CAMSAP2: variants seen among roughly 807,000 people sequenced by gnomAD.
The protein encoded by CAMSAP2 is calmodulin regulated spectrin associated protein family member 2, also known as calmodulin-regulated spectrin-associated protein 2.
CAMSAP2 carries 26 observed loss-of-function variants against 146.1 expected under a neutral mutation model. That is an observed-to-expected ratio of 0.18 (90% confidence interval 0.13 to 0.25). The LOEUF (loss-of-function observed/expected upper bound fraction) is 0.25, where lower values mean the gene tolerates loss of function less well. Ranked by LOEUF, CAMSAP2 falls within the 10% of genes least tolerant of loss-of-function variation. The pLI is 1.00. For missense variants in CAMSAP2, 1,381 were observed against 1,759.3 expected, an observed-to-expected ratio of 0.78 and a Z score of 3.85; for synonymous variants, 499 against 596.6, an observed-to-expected ratio of 0.84 and a Z score of 2.38.
At chr1:200,746,535 G>A (rs1345894121) in intron 1 of CAMSAP2, among the ~76,000 whole-genome samples, 2 of 152,092 alleles carry the variant, frequency 1.3e-5, no homozygotes, top group African/African-American at 4.8e-5. Flanking sequence ...GGAAATTCAT[G>A]TATGGAGCTT....
chr1:200,832,217 G>GCAC lies in CAMSAP2; in HGVS notation c.665_666insCCA (p.Glu221_Gln222insHis). Reference sequence around the variant, plus strand: ...TATCGTAGGCTCGTTATCGGAAAGAGCAAACATTGCTTAAGCAACTGCCTT... The same window carrying GCAC: ...TATCGTAGGCTCGTTATCGGAAAGAGCACCAAACATTGCTTAAGCAACTGCCTT... On this transcript the variant is annotated inframe_insertion, in exon 5 of 17. Coordinates refer to ENST00000358823, the MANE Select transcript of CAMSAP2 (RefSeq NM_203459.4). This position sits in a 1 kb window ranked among gnomAD's most constrained non-coding sequence, Gnocchi z 4.2. 1.2e-6 allele frequency: 2 copies of GCAC among 1,610,608 alleles called. No individual in the cohort carries two copies. The highest frequency in any genetic ancestry group is 1.7e-6 in the Non-Finnish European group (2 of 1,178,472).
At chr1:200,807,903 G>A (rs1571777461) in intron 3 of CAMSAP2, among the ~76,000 whole-genome samples, 2 of 152,042 alleles carry the variant, frequency 1.3e-5, no homozygotes, top group African/African-American at 4.8e-5. Flanking sequence ...ACCACACCCG[G>A]CTAATTTTTG....
In CAMSAP2 at chr1:200,856,050, G is replaced by A; in HGVS notation, c.3937G>A (p.Gly1313Ser). ...AGGCTTCTTATCTCCAAGTCGTTGT[G>A]GCAGTCGAAATGGAGAAAAAGACTG... ...VEGFLSPSRCGSRNGEKDWEN... is the reference protein window; with the variant it reads ...VEGFLSPSRCSSRNGEKDWEN... The change falls in exon 15 of 17, where the codon GGC becomes AGC. Residue 1313 changes from glycine (G) to serine (S), a missense_variant. Gly to Ser is a moderately conservative substitution (Grantham distance 56). This residue lies in a region of CAMSAP2 where 560 missense variants were observed against 715.9 expected (regional missense o/e 0.78). Transcript: ENST00000358823. 1.2e-6 allele frequency: 2 copies of A among 1,613,872 alleles called. No individual in the cohort carries two copies. Among genetic ancestry groups the A allele is most frequent in the South Asian group, 2.2e-5 (2 of 91,064 alleles).
chr1:200,847,568 G>C, intron 9 of CAMSAP2, 72 bp from the exon 10 acceptor site: 1 of 1,157,302 alleles, frequency 8.6e-7, no homozygotes, highest in Non-Finnish European at 1.3e-6. Context: ...TCAAATACAT[G>C]AAATCTCCTA....
At position 200,814,491 on chromosome 1, in the gene CAMSAP2, T is replaced by G. The variant is rs539291408; in HGVS notation, c.562-1070T>G. 7.9e-5 allele frequency among the ~76,000 whole-genome samples: 12 copies of G among 151,362 alleles called. No homozygotes were observed. The East Asian group carries it at 1.8e-3, about 22-fold the overall frequency. ...CGGGCATGATGGCGGGCGCCTGTAA[T>G]CCCAGTTACTCAGGAGGTTGAGGCA... On this transcript the variant is annotated intron_variant, in intron 3 of 16. Coordinates refer to ENST00000358823, the MANE Select transcript of CAMSAP2 (RefSeq NM_203459.4).
intron 1 of CAMSAP2, among the ~76,000 whole-genome samples, chr1:200,749,168 C>G (rs1218341174): frequency 6.6e-6 from 1 of 152,216 alleles, no homozygotes; most frequent in Non-Finnish European, 1.5e-5. Flanking sequence ...TGTCCTGTCT[C>G]TACTGCATTA....
At chr1:200,796,827 C>A (rs1265267603) in intron 2 of CAMSAP2, among the ~76,000 whole-genome samples, 2 of 151,960 alleles carry the variant, frequency 1.3e-5, no homozygotes, top group African/African-American at 2.4e-5. Context: ...CCCTCTCCCC[C>A]CACCCCACAA....
intron 1 of CAMSAP2, among the ~76,000 whole-genome samples, chr1:200,741,566 A>G (rs1664174964): frequency 6.6e-6 from 1 of 152,244 alleles, no homozygotes; most frequent in African/African-American, 2.4e-5. Context: ...TATAAAGTGG[A>G]AGGCAAAGGG....
rs187393171 is a variant in CAMSAP2 at position 200,770,210 on chromosome 1, G to A, written c.399+9112G>A. On this transcript the variant is annotated intron_variant, in intron 2 of 16. Transcript: ENST00000358823. Reference sequence around the variant, plus strand: ...ATTGAGTACACTTTACAAATATTATGAATGTAATGTATGATATAGGTGGTG... The same window carrying A: ...ATTGAGTACACTTTACAAATATTATAAATGTAATGTATGATATAGGTGGTG... 1.2e-4 allele frequency among the ~76,000 whole-genome samples: 18 copies of A among 152,238 alleles called. No homozygotes were observed. In the East Asian group the frequency reaches 3.5e-3, roughly 29 times the overall value.
intron 2 of CAMSAP2, among the ~76,000 whole-genome samples, chr1:200,772,476 G>A (rs901947607): frequency 3.9e-5 from 6 of 152,126 alleles, no homozygotes; most frequent in African/African-American, 1.2e-4. Context: ...AAGTGTGGTG[G>A]CATACGCCTG....
chr1:200,750,492 C>T (rs570436202), intron 1 of CAMSAP2, among the ~76,000 whole-genome samples: 79 of 151,992 alleles, frequency 5.2e-4, no homozygotes, highest in African/African-American at 1.8e-3. Flanking sequence ...TACTCTTTAC[C>T]CAGATTTACC....
chr1:200,824,042 G>A (rs1013432080), intron 4 of CAMSAP2, among the ~76,000 whole-genome samples: 1 of 152,090 alleles, frequency 6.6e-6, no homozygotes, highest in African/African-American at 2.4e-5. Context: ...TCTTGGATAT[G>A]CCCCAATCCT....
At chr1:200,819,163 A>C (rs1162440715) in intron 4 of CAMSAP2, among the ~76,000 whole-genome samples, 1 of 152,222 alleles carries the variant, frequency 6.6e-6, no homozygotes, top group Non-Finnish European at 1.5e-5. Context: ...TAGATCCTCC[A>C]GTGATGTATT....
intron 1 of CAMSAP2, among the ~76,000 whole-genome samples, chr1:200,744,762 G>A (rs552384881): frequency 6.6e-6 from 1 of 152,270 alleles, no homozygotes. Flanking sequence ...ATTGAAAGTA[G>A]GCATGGTAGA....
rs573825129 is a variant in CAMSAP2 at position 200,739,330 on chromosome 1, C to G, written c.-498C>G. Among the ~76,000 whole-genome samples the G allele has an allele frequency of 1.3e-5, 2 of 152,208 alleles. No homozygotes were observed. Among genetic ancestry groups the G allele is most frequent in the East Asian group, 3.9e-4 (2 of 5,142 alleles). ...CCACCCGGGGCCTGAGGGGTCTCCC[C>G]GCTCCGAGGGAAGGGGAGAGGGAGG... On this transcript the variant is annotated 5_prime_UTR_variant, in exon 1 of 17. Coordinates refer to ENST00000358823, the MANE Select transcript of CAMSAP2 (RefSeq NM_203459.4). This position sits in a 1 kb window ranked among gnomAD's most constrained non-coding sequence, Gnocchi z 4.8.
At chr1:200,757,615 T>A (rs1558163155) in intron 1 of CAMSAP2, among the ~76,000 whole-genome samples, 1 of 152,192 alleles carries the variant, frequency 6.6e-6, no homozygotes, top group Non-Finnish European at 1.5e-5. Flanking sequence ...TTTAATGTGG[T>A]ACAATTCCAA....
Position 200,856,015 on chromosome 1 carries a change from A to T in CAMSAP2, c.3902A>T (p.Glu1301Val). The T allele has an allele frequency of 6.2e-7, 1 of 1,605,218 alleles. No individual in the cohort carries two copies. The highest frequency in any genetic ancestry group is 8.5e-7 in the Non-Finnish European group (1 of 1,172,582). The part of the protein sequence containing the change: ...VHSGKRTPRS[E>V]SVEGFLSPSR... ...ATATTTTATTTTCTAATTAGATCAGAGTCTGTAGAAGGCTTCTTATCTCCA... is the reference window on the plus strand; with the variant it reads ...ATATTTTATTTTCTAATTAGATCAGTGTCTGTAGAAGGCTTCTTATCTCCA... The change falls in exon 15 of 17, where the codon GAG (glutamate) becomes GTG (valine). Residue 1301 changes from glutamate (E) to valine (V), a missense_variant. Coordinates refer to ENST00000358823, the MANE Select transcript of CAMSAP2 (RefSeq NM_203459.4).
chr1:200,801,147 C>T (rs1430162075), intron 2 of CAMSAP2, among the ~76,000 whole-genome samples: 1 of 151,890 alleles, frequency 6.6e-6, no homozygotes, highest in South Asian at 2.1e-4. Flanking sequence ...GCCTATAGTC[C>T]CAGCTACTTG....
At chr1:200,791,096 C>T (rs575603404) in intron 2 of CAMSAP2, among the ~76,000 whole-genome samples, 28 of 152,308 alleles carry the variant, frequency 1.8e-4, no homozygotes, top group Non-Finnish European at 2.6e-4. Context: ...CCACCTGCCT[C>T]GGCCTCCCAA....
Sources: allele counts gnomAD v4.1 joint callset (sites outside exome capture counted in the v4.1 genomes callset), GRCh38; gene constraint gnomAD v4.1.1; regional missense constraint gnomAD v4.1.1; non-coding constraint Gnocchi (gnomAD v3.1); transcripts MANE v1.5; gene names NCBI Gene and HGNC (gene_info 2026-07-23, HGNC 2026-07-21).